SKP2: variants seen among roughly 807,000 people sequenced by gnomAD.
The protein encoded by SKP2 is S-phase kinase-associated protein 2.
A neutral mutation model predicts 51.8 loss-of-function variants in SKP2; 16 were observed. The observed-to-expected ratio is 0.31, with a 90% CI of 0.21 to 0.47. SKP2 has a LOEUF of 0.47. Among genes scored for constraint, SKP2 ranks in the 20% least tolerant of loss-of-function variants. SKP2 has a pLI of 1.00. For missense variants in SKP2, 377 were observed against 505.3 expected, an observed-to-expected ratio of 0.75 and a Z score of 2.43; for synonymous variants, 176 against 198.6, an observed-to-expected ratio of 0.89 and a Z score of 0.96.
At chr5:36,189,458 C>G (rs557536452) in intron 6 of SKP2, among the ~76,000 whole-genome samples, 4 of 152,282 alleles carry the variant, frequency 2.6e-5, no homozygotes, top group East Asian at 1.9e-4. Flanking sequence ...CTCAGCTGCA[C>G]GTCTGTTGGA....
chr5:36,181,146 G>GA (rs1043735408), intron 9 of SKP2, among the ~76,000 whole-genome samples: 1 of 151,914 alleles, frequency 6.6e-6, no homozygotes, highest in Non-Finnish European at 1.5e-5. Flanking sequence ...TATCTATGCA[G>GA]AAAAAAAATG....
intron 2 of SKP2, among the ~76,000 whole-genome samples, chr5:36,161,282 C>G (rs1196929092): frequency 2.0e-5 from 2 of 97,600 alleles, no homozygotes; most frequent in African/African-American, 7.0e-5. Flanking sequence ...CCTGAAAATA[C>G]AAAAATTGTT....
At chr5:36,192,373 T>C (rs1033675062) in intron 6 of SKP2, among the ~76,000 whole-genome samples, 1 of 152,212 alleles carries the variant, frequency 6.6e-6, no homozygotes, top group African/African-American at 2.4e-5. Flanking sequence ...TCTTAGTAGA[T>C]GCTATTCTTA....
At chr5:36,192,461 A>G (rs1478252550) in intron 6 of SKP2, 5 of 152,226 alleles carry the variant, frequency 3.3e-5, no homozygotes, top group Non-Finnish European at 7.4e-5. Context: ...CATTATTTTC[A>G]CAACTAAGCA....
In SKP2 at chr5:36,152,916, C is replaced by T. The variant is rs1281046353; in HGVS notation, c.154C>T (p.Pro52Ser). 3.1e-6 allele frequency: 5 copies of T among 1,613,976 alleles called. No individual in the cohort carries two copies. The highest frequency in any genetic ancestry group is 2.2e-5 in the South Asian group (2 of 91,078). ...EKEEPDSENI[P>S]QELLSNLGHP... is the part of the protein sequence containing the mutation. ...AGAGGAGCCCGACAGTGAGAACATC[C>T]CCCAGGAACTGCTCTCAAACCTGGG... Residue 52 changes from proline (P) to serine (S), a missense_variant, in exon 2 of 10, where the codon CCC becomes TCC. Coordinates refer to ENST00000274255, the MANE Select transcript of SKP2 (RefSeq NM_005983.4).
At chr5:36,188,714 T>C (rs1454524903), downstream of SKP2, among the ~76,000 whole-genome samples, 1 of 152,214 alleles carries the variant, frequency 6.6e-6, no homozygotes, top group Non-Finnish European at 1.5e-5. Flanking sequence ...TGCCTTCGGG[T>C]TGCTCTTCTC....
chr5:36,152,121 G>C lies in SKP2; in HGVS notation c.-142G>C, dbSNP rs1278228385. The C allele has an allele frequency of 4.8e-6, 4 of 827,708 alleles. No individual in the cohort carries two copies. Among genetic ancestry groups the C allele is most frequent in the Non-Finnish European group, 8.1e-6 (4 of 492,736 alleles). The allele number at this position is 827,708 out of a possible 1,614,324, so 51.3% of individuals were successfully genotyped here. A position where few individuals can be genotyped will look rare whatever the true frequency, so the allele number is the denominator to read the frequency against. On this transcript the variant is annotated 5_prime_UTR_variant, in exon 1 of 10. Transcript: ENST00000274255. ...GAGCCTTGCGCGCGCAGTGGGGATG[G>C]AACGTTGCTAGGCTTAGCGGGTCTG...
At chr5:36,172,838 A>G (rs538207189) in intron 7 of SKP2, among the ~76,000 whole-genome samples, 182 of 152,284 alleles carry the variant, frequency 1.2e-3, no homozygotes, top group African/African-American at 4.1e-3. Flanking sequence ...ATTTTCAGAC[A>G]AGGTGAACAC....
chr5:36,183,132 A>T lies in SKP2; in HGVS notation c.*1101A>T. On this transcript the variant is annotated 3_prime_UTR_variant, in exon 10 of 10. Coordinates refer to ENST00000274255, the MANE Select transcript of SKP2 (RefSeq NM_005983.4). ...TACAGTAGAAGCAGGTATATCTTCC[A>T]TGCAGTTTCAGTAGTAAGCACTACT... 1 of 983,518 alleles carries T rather than the reference A, an allele frequency of 1.0e-6. No individual in the cohort carries two copies. Among genetic ancestry groups the T allele is most frequent in the Non-Finnish European group, 1.2e-6 (1 of 828,178 alleles). 60.9% of individuals were successfully genotyped at this position (983,518 alleles called of 1,614,324 possible).
chr5:36,168,551 C>A, intron 5 of SKP2, 104 bp downstream of exon 5: 1 of 1,080,652 alleles, frequency 9.3e-7, no homozygotes, highest in Non-Finnish European at 1.4e-6. Flanking sequence ...CAGGTGGATA[C>A]AGAAAATATC....
downstream of SKP2, among the ~76,000 whole-genome samples, chr5:36,185,308 G>T (rs1745938345): frequency 6.6e-6 from 1 of 152,122 alleles, no homozygotes; most frequent in African/African-American, 2.4e-5. Context: ...CATTGCTTTT[G>T]GTGTTTTAGA....
At chr5:36,161,974 G>T (rs1745134630) in intron 2 of SKP2, among the ~76,000 whole-genome samples, 1 of 152,184 alleles carries the variant, frequency 6.6e-6, no homozygotes, top group African/African-American at 2.4e-5. Context: ...ATTATCCTGA[G>T]CTTGTGGGAT....
chr5:36,175,664 T>G (rs1745609925), intron 7 of SKP2, among the ~76,000 whole-genome samples: 1 of 151,970 alleles, frequency 6.6e-6, no homozygotes, highest in Non-Finnish European at 1.5e-5. Flanking sequence ...TGTGTGTAAA[T>G]GTGAGTTTGA....
intron 7 of SKP2, among the ~76,000 whole-genome samples, chr5:36,174,072 G>C (rs1302887681): frequency 6.6e-6 from 1 of 152,130 alleles, no homozygotes; most frequent in Non-Finnish European, 1.5e-5. Flanking sequence ...AGTTCAATTA[G>C]TGTTGGCTGT....
chr5:36,167,190 A>T (rs1179469877), intron 4 of SKP2, among the ~76,000 whole-genome samples: 1 of 152,182 alleles, frequency 6.6e-6, no homozygotes, highest in African/African-American at 2.4e-5. Context: ...TACTGAGGTT[A>T]CTGCTATCAC....
At chr5:36,167,775 C>T (rs997120078) in intron 4 of SKP2, among the ~76,000 whole-genome samples, 5 of 152,156 alleles carry the variant, frequency 3.3e-5, no homozygotes, top group Admixed American at 1.3e-4. Flanking sequence ...TGCGCCACCA[C>T]GCCCAACTAA....
chr5:36,179,596 T>C (rs1378240836), intron 9 of SKP2, among the ~76,000 whole-genome samples: 1 of 152,142 alleles, frequency 6.6e-6, no homozygotes, highest in African/African-American at 2.4e-5. Flanking sequence ...TAATCTAAGA[T>C]AAGACTAAAA....
At chr5:36,164,169 G>A (rs1258672649) in intron 3 of SKP2, among the ~76,000 whole-genome samples, 5 of 152,168 alleles carry the variant, frequency 3.3e-5, no homozygotes, top group Non-Finnish European at 4.4e-5. Flanking sequence ...TGCTGCTTAC[G>A]CTCTGCATGA....
rs190516145 is a variant in SKP2, at chr5:36,164,376, G to T, written c.392+620G>T. The stretch of plus-strand genomic sequence containing the variant: ...TTTTTTGGCAACACTTTTCAAGTGT[G>T]GAAGGTGAGTTGCATGTGGAAAGAC... On this transcript the variant is annotated intron_variant, in intron 3 of 9. Transcript: ENST00000274255. Among the ~76,000 whole-genome samples the T allele has an allele frequency of 2.0e-4, 30 of 152,300 alleles. 1 individual carries two copies. The highest frequency in any genetic ancestry group is 7.0e-4 in the African/African-American group (29 of 41,570).
Sources: gnomAD v4.1 joint callset for allele counts (sites outside exome capture counted in the v4.1 genomes callset) on GRCh38, gnomAD v4.1.1 for gene constraint, MANE v1.5 for transcripts, NCBI Gene and HGNC (gene_info 2026-07-23, HGNC 2026-07-21) for gene names.